Variants in PSMD9 observed in about 807,000 individuals in gnomAD.
The protein encoded by PSMD9 is proteasome 26S subunit, non-ATPase 9.
Under a neutral mutation model 25.9 loss-of-function variants are expected in PSMD9, and 26 were observed. The observed-to-expected ratio is 1.00, with a 90% confidence interval of 0.73 to 1.39. The LOEUF (loss-of-function observed/expected upper bound fraction) is 1.39. Ranked by LOEUF, PSMD9 falls within the 40% of genes most tolerant of loss-of-function variation. PSMD9 has a pLI of 0.00. For synonymous variants in PSMD9, 110 were observed against 114.5 expected (o/e 0.96, Z 0.25); for missense variants, 303 against 299.3 (o/e 1.01, Z -0.09).
rs767698577 is a variant in PSMD9, at chr12:121,916,288, A to G, written c.649A>G (p.Asn217Asp). The G allele has an allele frequency of 6.2e-7, 1 of 1,614,130 alleles. No homozygotes were observed. The highest frequency in any genetic ancestry group is 1.1e-5 in the South Asian group (1 of 91,080). ...TCCTTTTCTTCTTTCTTCCAGCTGC[A>G]ACATTATTCCTCTGCAAAGATGATT... The part of the protein sequence containing the change: ...RWAGKGLLGC[N>D]IIPLQR The change falls in exon 6 of 6, where the codon AAC becomes GAC. Residue 217 changes from asparagine to aspartate, a missense_variant. Asn to Asp is a conservative substitution (Grantham distance 23). Transcript: ENST00000541212.
intron 2 of PSMD9, among the ~76,000 whole-genome samples, chr12:121,895,630 G>A (rs1401545041): frequency 2.0e-5 from 3 of 151,626 alleles, no homozygotes; most frequent in African/African-American, 4.8e-5. Context: ...TCATGGCTTC[G>A]TCCATCTACA....
At chr12:121,892,464 G>C (rs1372596269) in intron 1 of PSMD9, among the ~76,000 whole-genome samples, 1 of 152,108 alleles carries the variant, frequency 6.6e-6, no homozygotes, top group Admixed American at 6.6e-5. Context: ...ACTTTGGGAG[G>C]CCGAGGCTGG....
chr12:121,911,298 C>T (rs762348036), intron 4 of PSMD9, among the ~76,000 whole-genome samples: 1 of 152,148 alleles, frequency 6.6e-6, no homozygotes, highest in Non-Finnish European at 1.5e-5. Context: ...CCTCTGCCTC[C>T]CAAAGTGCTG....
At chr12:121,895,075 T>G (rs1879193909) in intron 2 of PSMD9, among the ~76,000 whole-genome samples, 2 of 151,990 alleles carry the variant, frequency 1.3e-5, no homozygotes. Context: ...GTCAGGGTCT[T>G]GCTCTGTCTT....
chr12:121,910,473 C>T (rs1952274744), intron 4 of PSMD9, among the ~76,000 whole-genome samples: 1 of 151,386 alleles, frequency 6.6e-6, no homozygotes, highest in African/African-American at 2.4e-5. Context: ...TAAAAATTAC[C>T]ATTTTAGGCC....
intron 4 of PSMD9, among the ~76,000 whole-genome samples, chr12:121,904,065 A>G (rs1879479233): frequency 6.6e-6 from 1 of 152,076 alleles, no homozygotes; most frequent in South Asian, 2.1e-4. Flanking sequence ...CTTGTAACCC[A>G]TCAGTGCAGG....
At chr12:121,900,630 G>T (rs1592944013) in intron 3 of PSMD9, among the ~76,000 whole-genome samples, 1 of 150,966 alleles carries the variant, frequency 6.6e-6, no homozygotes, top group South Asian at 2.1e-4. Flanking sequence ...TCCGTATACA[G>T]TTTAGTGTCT....
intron 2 of PSMD9, 146 bp from the exon 3 acceptor site, chr12:121,899,488 C>A (rs1205477314): frequency 2.8e-6 from 2 of 704,746 alleles, no homozygotes; most frequent in African/African-American, 3.6e-5. Flanking sequence ...GAGGGAATGT[C>A]CTCTGTCTTG....
Position 121,916,533 on chromosome 12 carries a change from C to T in PSMD9, c.*222C>T. ...GCCTCTTTCACAAATTAGGCCACGG[C>T]CCTAAATAGGAATTCCCTGGATTGT... On this transcript the variant is annotated 3_prime_UTR_variant, in exon 6 of 6. Transcript: ENST00000541212. 1.7e-6 allele frequency: 1 copy of T among 584,490 alleles called. No homozygotes were observed. Among genetic ancestry groups the T allele is most frequent in the South Asian group, 2.2e-5 (1 of 44,820 alleles). The allele number at this position is 584,490 out of a possible 1,614,324, so 36.2% of individuals were successfully genotyped here. A position where few individuals can be genotyped will look rare whatever the true frequency, so the allele number is the denominator to read the frequency against.
chr12:121,894,449 C>T, intron 1 of PSMD9: 1 of 315,788 alleles, frequency 3.2e-6, no homozygotes. Flanking sequence ...AGAGGCTGGC[C>T]TTGGGGATGA....
At chr12:121,889,113 A>G in intron 1 of PSMD9, 119 bp downstream of exon 1, 1 of 1,302,036 alleles carries the variant, frequency 7.7e-7, no homozygotes, top group Non-Finnish European at 1.0e-6. Context: ...GGGAGGCCCA[A>G]GGCGCCGCAA....
At chr12:121,910,642 C>A (rs1391852344) in intron 4 of PSMD9, among the ~76,000 whole-genome samples, 1 of 150,976 alleles carries the variant, frequency 6.6e-6, no homozygotes, top group African/African-American at 2.4e-5. Flanking sequence ...CGCCTGTAAT[C>A]CCAGTTACTC....
intron 3 of PSMD9, among the ~76,000 whole-genome samples, chr12:121,901,027 G>C (rs1879380745): frequency 6.7e-6 from 1 of 148,208 alleles, no homozygotes; most frequent in Non-Finnish European, 1.5e-5. Flanking sequence ...GTTTCGCTCT[G>C]TTGCGTAGGT....
intron 4 of PSMD9, among the ~76,000 whole-genome samples, chr12:121,913,497 T>C (rs1166820934): frequency 6.0e-5 from 9 of 151,044 alleles, no homozygotes; most frequent in Non-Finnish European, 1.0e-4. Flanking sequence ...TTTTTTCTTT[T>C]TTTTTTTTTT....
rs554684879 is a variant in PSMD9 at position 121,905,459 on chromosome 12, C to T, written c.555+2352C>T. ...CAGGATGGTCTCGATCTCCTGACCTCGTGATCCACCTGCCTTGGCCTCCCA... is the reference window on the plus strand; with the variant it reads ...CAGGATGGTCTCGATCTCCTGACCTTGTGATCCACCTGCCTTGGCCTCCCA... On this transcript the variant is annotated intron_variant, in intron 4 of 5. Coordinates refer to ENST00000541212, the MANE Select transcript of PSMD9 (RefSeq NM_002813.7). Among the ~76,000 whole-genome samples, 470 of 151,424 alleles carry T rather than the reference C, an allele frequency of 3.1e-3. 12 individuals are homozygous for T. Among genetic ancestry groups the T allele is most frequent in the Non-Finnish European group, 7.4e-4 (50 of 67,934 alleles).
At chr12:121,892,222 A>C (rs1047123469) in intron 1 of PSMD9, among the ~76,000 whole-genome samples, 2 of 152,292 alleles carry the variant, frequency 1.3e-5, no homozygotes, top group African/African-American at 2.4e-5. Context: ...ATTAGAAGAC[A>C]GGGAAAGGAT....
intron 4 of PSMD9, among the ~76,000 whole-genome samples, 189 bp downstream of exon 4, chr12:121,903,296 G>A (rs1348670165): frequency 6.6e-6 from 1 of 152,142 alleles, no homozygotes; most frequent in Non-Finnish European, 1.5e-5. Context: ...GTGCCTTCTT[G>A]CTGTGTCCTC....
chr12:121,898,011 A>G (rs1468219312), intron 2 of PSMD9: 1 of 152,204 alleles, frequency 6.6e-6, no homozygotes, highest in Non-Finnish European at 1.5e-5. Flanking sequence ...TGTGCCAGGC[A>G]TTGCAGAGTC....
At chr12:121,906,689 C>T (rs1314303319) in intron 4 of PSMD9, among the ~76,000 whole-genome samples, 2 of 151,582 alleles carry the variant, frequency 1.3e-5, no homozygotes, top group African/African-American at 2.4e-5. Flanking sequence ...TGGTGTGTGC[C>T]TGTAGTCCCA....
Sources: gnomAD v4.1 joint callset for allele counts (sites outside exome capture counted in the v4.1 genomes callset) on GRCh38, gnomAD v4.1.1 for gene constraint, MANE v1.5 for transcripts, NCBI Gene and HGNC (gene_info 2026-07-23, HGNC 2026-07-21) for gene names.